WARS1: variants seen among roughly 807,000 people sequenced by gnomAD.
WARS1 encodes the protein tryptophan--tRNA ligase, cytoplasmic.
WARS1 carries 17 observed loss-of-function variants against 47.8 expected under a neutral mutation model. The observed-to-expected ratio is 0.36, with a 90% CI of 0.24 to 0.53. The LOEUF is 0.53. Among genes scored for constraint, WARS1 ranks in the 20% least tolerant of loss-of-function variants. The pLI is 0.91. For synonymous variants in WARS1, 208 were observed against 228.1 expected (o/e 0.91, Z 0.79); for missense variants, 434 against 608.0 (o/e 0.71, Z 3.01).
At chr14:100,370,974 C>T (rs1284776755) in intron 1 of WARS1, among the ~76,000 whole-genome samples, 1 of 152,004 alleles carries the variant, frequency 6.6e-6, no homozygotes, top group Admixed American at 6.6e-5. Flanking sequence ...ATAAAACTTG[C>T]CCATGTTAAC....
At chr14:100,343,033 CAT>C (rs1435706239) in intron 8 of WARS1, among the ~76,000 whole-genome samples, 5 of 152,212 alleles carry the variant, frequency 3.3e-5, no homozygotes, top group Non-Finnish European at 5.9e-5. Context: ...CCTGCCACCA[CAT>C]GTGGCTAAAT....
chr14:100,345,918 T>A (rs1176436082), intron 7 of WARS1, among the ~76,000 whole-genome samples: 1 of 152,208 alleles, frequency 6.6e-6, no homozygotes, highest in Non-Finnish European at 1.5e-5. Context: ...AGCGTGACCC[T>A]GACGCTGTGG....
intron 2 of WARS1, chr14:100,365,893 C>T (rs917300354): frequency 2.6e-5 from 10 of 385,414 alleles, no homozygotes; most frequent in South Asian, 1.1e-4. Context: ...GGAAGGTGAC[C>T]GAGTGTACAC....
intron 4 of WARS1, 35 bp downstream of exon 4, chr14:100,360,519 A>G (rs768263663): frequency 6.6e-7 from 1 of 1,522,060 alleles, no homozygotes; most frequent in South Asian, 1.1e-5. Context: ...AAAGAAGAGG[A>G]CAGGTGAGAA....
At position 100,342,360 on chromosome 14, in the gene WARS1, G is replaced by T. The variant is rs1894224583; in HGVS notation, c.1113+38C>A. ...CGTGTGCCCCCCAGGGCATGTTTCTGATCCCGCTGGCTGCCCTCTGCCTGG... is the reference window on the plus strand; with the variant it reads ...CGTGTGCCCCCCAGGGCATGTTTCTTATCCCGCTGGCTGCCCTCTGCCTGG... On this transcript the variant is annotated intron_variant, in intron 9 of 10. Transcript: ENST00000392882. 10 of 1,611,878 alleles carry T rather than the reference G, an allele frequency of 6.2e-6. No individual in the cohort carries two copies. In the East Asian group the frequency reaches 2.0e-4, roughly 32 times the overall value.
In WARS1 at chr14:100,337,114, A is replaced by G. The variant is rs1036427682; in HGVS notation, c.1202T>C (p.Met401Thr). The G allele has an allele frequency of 6.2e-7, 1 of 1,614,206 alleles. No homozygotes were observed. Among genetic ancestry groups the G allele is most frequent in the South Asian group, 1.1e-5 (1 of 91,084 alleles). The change falls in exon 10 of 11, where the codon ATG becomes ACG. Residue 401 changes from methionine to threonine, a missense_variant. Met to Thr is a moderately conservative substitution (Grantham distance 81, BLOSUM62 -1). Transcript: ENST00000392882. ...GTCCTCGAGGAAGAAGGTCAGGTACATGAAAGACACGTCCACATCACAGTT... is the reference window on the plus strand; with the variant it reads ...GTCCTCGAGGAAGAAGGTCAGGTACGTGAAAGACACGTCCACATCACAGTT... The part of the protein sequence containing the change: ...GGNCDVDVSF[M>T]YLTFFLEDDD...
chr14:100,335,183 A>T, intron 10 of WARS1, 147 bp from the exon 11 acceptor site: 1 of 686,648 alleles, frequency 1.5e-6, no homozygotes, highest in Non-Finnish European at 2.4e-6. Context: ...TGTTACCACA[A>T]CAATAACCTA....
At chr14:100,346,633 G>A (rs1232749617) in intron 7 of WARS1, 113 bp downstream of exon 7, 2 of 877,524 alleles carry the variant, frequency 2.3e-6, no homozygotes, top group African/African-American at 3.3e-5. Context: ...TAAAGAGACA[G>A]TTGCAAACGC....
Position 100,361,839 on chromosome 14 carries a change from T to C in WARS1, c.182A>G (p.Asp61Gly), listed in dbSNP as rs1895680458. The C allele has an allele frequency of 6.2e-7, 1 of 1,614,212 alleles. No individual in the cohort carries two copies. Among genetic ancestry groups the C allele is most frequent in the East Asian group, 2.2e-5 (1 of 44,886 alleles). Reference sequence around the variant, plus strand: ...AGGTGCTGGGTTCCCTGGAGGACAGTCAGCCTTGTAATCCTCCCCCGCGGC... The same window carrying C: ...AGGTGCTGGGTTCCCTGGAGGACAGCCAGCCTTGTAATCCTCCCCCGCGGC... ...KAAAGEDYKA[D>G]CPPGNPAPTS... is the part of the protein sequence containing the mutation. Residue 61 changes from aspartate to glycine, a missense_variant, in exon 3 of 11, where the codon GAC becomes GGC. Around this residue, in one of 2 missense-constraint regions of WARS1, gnomAD observed 87 missense variants for 84.2 expected, o/e 1.03. Coordinates refer to ENST00000392882, the MANE Select transcript of WARS1 (RefSeq NM_004184.4).
intron 6 of WARS1, among the ~76,000 whole-genome samples, chr14:100,351,084 C>T (rs1894949744): frequency 6.6e-6 from 1 of 152,034 alleles, no homozygotes; most frequent in African/African-American, 2.4e-5. Context: ...GCTCGTGTGC[C>T]AAGTGAAAGG....
chr14:100,375,287 GT>G lies in WARS1; in HGVS notation c.-79del, dbSNP rs1896589176. On this transcript the variant is annotated 5_prime_UTR_variant, in exon 1 of 11. Transcript: ENST00000392882. ...GGCAAAGATGGCAATACATACCCAG[GT>G]TGTGGAAGACACTGCAGAGGTGGCC... 1.3e-5 allele frequency: 2 copies of G among 152,288 alleles called. No individual in the cohort carries two copies. Among genetic ancestry groups the G allele is most frequent in the African/African-American group, 4.8e-5 (2 of 41,456 alleles). The allele number at this position is 152,288 out of a possible 1,614,324, so 9.4% of individuals were successfully genotyped here.
chr14:100,345,151 A>G, intron 7 of WARS1, among the ~76,000 whole-genome samples: 1 of 146,816 alleles, frequency 6.8e-6, no homozygotes, highest in African/African-American at 2.5e-5. Context: ...CTGCCCGGCC[A>G]CCACCCCGTC....
intron 3 of WARS1, 123 bp downstream of exon 3, chr14:100,361,585 C>T: frequency 5.3e-6 from 5 of 939,786 alleles, no homozygotes; most frequent in African/African-American, 1.7e-5. Flanking sequence ...TCCATTTTTT[C>T]TTGGCATTGA....
chr14:100,363,558 G>A (rs1179360402), intron 2 of WARS1, among the ~76,000 whole-genome samples: 2 of 152,110 alleles, frequency 1.3e-5, no homozygotes, highest in Admixed American at 6.5e-5. Context: ...TTAGCCAGGT[G>A]TGGTGGCACA....
At chr14:100,367,766 T>C (rs576853497) in intron 2 of WARS1, among the ~76,000 whole-genome samples, 2 of 152,110 alleles carry the variant, frequency 1.3e-5, no homozygotes, top group African/African-American at 2.4e-5. Context: ...TAGGTGCCAA[T>C]AGAGCAGTGG....
Position 100,342,533 on chromosome 14 carries a change from C to T in WARS1, c.978G>A (p.Arg326=), listed in dbSNP as rs767733895. ...YFRMTRDVAP[R]IGYPKPALLH... ...GCAGGGCTGGTTTAGGATAGCCGAT[C>T]CTGGGGGCGACGTCCCTTGTCATTC... Residue 326 remains arginine (R), a synonymous_variant, in exon 9 of 11, where the codon AGG becomes AGA. Transcript: ENST00000392882. 2.2e-5 allele frequency: 36 copies of T among 1,612,906 alleles called. No individual in the cohort carries two copies. In the Admixed American group the frequency reaches 6.0e-4, roughly 27 times the overall value.
chr14:100,354,700 T>C, intron 4 of WARS1, 134 bp from the exon 5 acceptor site: 1 of 1,062,054 alleles, frequency 9.4e-7, no homozygotes, highest in South Asian at 1.7e-5. Flanking sequence ...TTACCTTTGG[T>C]GCTTATGATA....
chr14:100,335,409 C>CA (rs1893653234), intron 10 of WARS1, among the ~76,000 whole-genome samples: 1 of 150,854 alleles, frequency 6.6e-6, no homozygotes, highest in Non-Finnish European at 1.5e-5. Flanking sequence ...GATGGAGTCT[C>CA]ACTCTGTTGC....
Position 100,345,673 on chromosome 14 carries a change from A to T in WARS1, c.826+1073T>A, listed in dbSNP as rs202198421. ...GAATGATCAATAAAAATAAATAAAT[A>T]AATTAAAAAAAAAAAGAAGTTATGA... On this transcript the variant is annotated intron_variant, in intron 7 of 10. Transcript: ENST00000392882. Among the ~76,000 whole-genome samples, 766 of 112,750 alleles carry T rather than the reference A, an allele frequency of 6.8e-3. 2 individuals are homozygous for T. The highest frequency in any genetic ancestry group is 0.019 in the African/African-American group (678 of 34,950). The allele number at this position is 112,750 out of a possible 152,430, so 74.0% of individuals were successfully genotyped here.
Sources: gnomAD v4.1 joint callset for allele counts (sites outside exome capture counted in the v4.1 genomes callset) on GRCh38, gnomAD v4.1.1 for gene constraint, gnomAD v4.1.1 regional missense constraint, MANE v1.5 for transcripts, NCBI Gene and HGNC (gene_info 2026-07-23, HGNC 2026-07-21) for gene names.